Variants in SIPA1L1 observed in about 807,000 individuals in gnomAD.
The protein encoded by SIPA1L1 is signal-induced proliferation-associated 1-like protein 1.
Under a neutral mutation model 162.7 loss-of-function variants are expected in SIPA1L1, and 26 were observed. The observed-to-expected ratio is 0.16, with a 90% CI of 0.12 to 0.22. The LOEUF (loss-of-function observed/expected upper bound fraction) is 0.22. Among genes scored for constraint, SIPA1L1 ranks in the 10% least tolerant of loss-of-function variants. The pLI is 1.00. For missense variants in SIPA1L1, 1,874 were observed against 2,241.0 expected, an observed-to-expected ratio of 0.84 and a Z score of 3.31; for synonymous variants, 829 against 837.4, an observed-to-expected ratio of 0.99 and a Z score of 0.17.
chr14:71,679,922 G>T (rs183672336), intron 12 of SIPA1L1, among the ~76,000 whole-genome samples: 1 of 152,310 alleles, frequency 6.6e-6, no homozygotes, highest in East Asian at 1.9e-4. Flanking sequence ...GGAGCACCCA[G>T]ATTCATAAAG....
chr14:71,488,152 C>T (rs1353397557), intron 2 of SIPA1L1, among the ~76,000 whole-genome samples: 2 of 152,108 alleles, frequency 1.3e-5, no homozygotes, highest in African/African-American at 2.4e-5. Flanking sequence ...TATCTTTAGG[C>T]GTGGTGGAGG....
chr14:71,347,391 TTCA>T (rs1386750787), intron 2 of SIPA1L1, among the ~76,000 whole-genome samples: 44 of 152,364 alleles, frequency 2.9e-4, no homozygotes, highest in Non-Finnish European at 1.5e-5. Flanking sequence ...TTTTTTTCTG[TTCA>T]TCAGTTGATG....
intron 2 of SIPA1L1, among the ~76,000 whole-genome samples, chr14:71,497,371 A>C (rs2049873757): frequency 6.6e-6 from 1 of 152,118 alleles, no homozygotes; most frequent in Non-Finnish European, 1.5e-5. Context: ...GATCATACAC[A>C]TATACAATCC....
chr14:71,736,635 T>A (rs189642941), intron 22 of SIPA1L1, among the ~76,000 whole-genome samples: 44 of 152,248 alleles, frequency 2.9e-4, no homozygotes, highest in South Asian at 6.2e-4. Flanking sequence ...CTGGCACTGC[T>A]GGGGTGAGGA....
intron 6 of SIPA1L1, among the ~76,000 whole-genome samples, chr14:71,622,014 T>C (rs2039500707): frequency 6.6e-6 from 1 of 152,218 alleles, no homozygotes; most frequent in Non-Finnish European, 1.5e-5. Context: ...TCCTGCACTT[T>C]GAGAGATAGT....
At position 71,738,339 on chromosome 14, in the gene SIPA1L1, C is replaced by G. The variant is rs749664067; in HGVS notation, c.5208+14C>G. On this transcript the variant is annotated intron_variant, in intron 23 of 23. Transcript: ENST00000381232. The stretch of plus-strand genomic sequence containing the variant: ...GATTTGAAGAAGGTAAACATGTATT[C>G]TCAAAGCAAATTGTCCAGTCTGTAC... 8.9e-6 allele frequency: 14 copies of G among 1,581,836 alleles called. No individual in the cohort carries two copies. In the Admixed American group the frequency reaches 1.5e-4, roughly 17 times the overall value.
chr14:71,646,585 CCTTTA>C (rs1178335589), intron 7 of SIPA1L1, among the ~76,000 whole-genome samples: 1 of 152,138 alleles, frequency 6.6e-6, no homozygotes, highest in Non-Finnish European at 1.5e-5. Context: ...TTGAAAGACC[CCTTTA>C]CTTTGTTGAG....
chr14:71,600,784 T>G (rs2036644054), intron 5 of SIPA1L1, among the ~76,000 whole-genome samples: 1 of 152,166 alleles, frequency 6.6e-6, no homozygotes, highest in South Asian at 2.1e-4. Context: ...TATAGAGATC[T>G]TTTACAACTT....
intron 10 of SIPA1L1, among the ~76,000 whole-genome samples, chr14:71,666,172 TTG>T (rs2043984816): frequency 6.6e-6 from 1 of 152,166 alleles, no homozygotes. Context: ...TGAATTATTT[TTG>T]CTACCCCCTA....
intron 2 of SIPA1L1, among the ~76,000 whole-genome samples, chr14:71,357,008 ATGG>A (rs2037340691): frequency 6.6e-6 from 1 of 152,176 alleles, no homozygotes; most frequent in Non-Finnish European, 1.5e-5. Context: ...TATGAATCTG[ATGG>A]TGGGTTAGCA....
At chr14:71,585,520 C>G (rs550432744) in intron 4 of SIPA1L1, among the ~76,000 whole-genome samples, 1 of 152,190 alleles carries the variant, frequency 6.6e-6, no homozygotes, top group South Asian at 2.1e-4. Flanking sequence ...AGTTTTATTT[C>G]TTGTATTTTA....
At chr14:71,662,359 C>G (rs1359777571) in intron 10 of SIPA1L1, among the ~76,000 whole-genome samples, 1 of 152,232 alleles carries the variant, frequency 6.6e-6, no homozygotes, top group East Asian at 1.9e-4. Context: ...TGTCACCATC[C>G]TTGCACATAT....
intron 2 of SIPA1L1, among the ~76,000 whole-genome samples, chr14:71,378,027 T>TA (rs2039571940): frequency 6.6e-6 from 1 of 151,746 alleles, no homozygotes; most frequent in Admixed American, 6.6e-5. Context: ...GAGGGAGAGC[T>TA]AATCTTCTTA....
At chr14:71,644,620 A>G (rs565345067) in intron 7 of SIPA1L1, among the ~76,000 whole-genome samples, 2 of 152,352 alleles carry the variant, frequency 1.3e-5, no homozygotes, top group Admixed American at 6.5e-5. Context: ...TGGAGATTTT[A>G]TAAGTGTTTG....
intron 8 of SIPA1L1, among the ~76,000 whole-genome samples, 165 bp downstream of exon 8, chr14:71,650,674 G>A (rs2042545064): frequency 6.6e-6 from 1 of 152,186 alleles, no homozygotes; most frequent in Non-Finnish European, 1.5e-5. Context: ...AACAGTTGAA[G>A]ATCATAACCA....
intron 2 of SIPA1L1, among the ~76,000 whole-genome samples, chr14:71,386,282 A>G (rs1475445132): frequency 6.6e-6 from 1 of 152,194 alleles, no homozygotes; most frequent in East Asian, 1.9e-4. Context: ...AGAGCAGGAG[A>G]CATCCAGCAC....
intron 2 of SIPA1L1, among the ~76,000 whole-genome samples, chr14:71,395,988 G>C (rs913721946): frequency 6.6e-6 from 1 of 152,138 alleles, no homozygotes; most frequent in African/African-American, 2.4e-5. Context: ...TGATGATGGA[G>C]CTCATGCCTT....
chr14:71,484,082 C>T (rs1236660558), intron 2 of SIPA1L1, among the ~76,000 whole-genome samples: 1 of 152,152 alleles, frequency 6.6e-6, no homozygotes, highest in African/African-American at 2.4e-5. Flanking sequence ...GCTGCAGAAA[C>T]GGACACATAT....
At chr14:71,662,070 T>C (rs182151768) in intron 10 of SIPA1L1, among the ~76,000 whole-genome samples, 16 of 152,342 alleles carry the variant, frequency 1.1e-4, no homozygotes, top group Non-Finnish European at 1.9e-4. Flanking sequence ...CCTGTCACGC[T>C]AGCTCGATAG....
Sources: gnomAD v4.1 joint callset for allele counts (sites outside exome capture counted in the v4.1 genomes callset) on GRCh38, gnomAD v4.1.1 for gene constraint, MANE v1.5 for transcripts, NCBI Gene and HGNC (gene_info 2026-07-23, HGNC 2026-07-21) for gene names.